Variants in PIGK observed in about 807,000 individuals in gnomAD.
PIGK encodes GPI-anchor transamidase.
In PIGK, 42 loss-of-function variants were observed where a neutral mutation model predicts 50.6. The observed-to-expected ratio is 0.83, with a 90% confidence interval of 0.65 to 1.07. PIGK has a LOEUF of 1.07. Ranked by LOEUF, PIGK falls within the 50% of genes least tolerant of loss-of-function variation. The probability of loss-of-function intolerance (pLI) is 0.00; values close to 1 mark genes in which losing one functional copy is unlikely to be tolerated. For synonymous variants in PIGK, 151 were observed against 156.0 expected (o/e 0.97, Z 0.24); for missense variants, 448 against 488.7 (o/e 0.92, Z 0.78).
At chr1:77,212,482 T>A (rs1656442027) in intron 1 of PIGK, among the ~76,000 whole-genome samples, 1 of 152,124 alleles carries the variant, frequency 6.6e-6, no homozygotes, top group Non-Finnish European at 1.5e-5. Flanking sequence ...AATTTAAACT[T>A]CCACTTGTAC....
In PIGK at chr1:77,186,359, G is replaced by A. The variant is rs138687502; in HGVS notation, c.240-16964C>T. 1.1e-3 allele frequency among the ~76,000 whole-genome samples: 168 copies of A among 152,382 alleles called. 4 individuals carry two copies. The East Asian group carries it at 0.03, about 28-fold the overall frequency. On this transcript the variant is annotated intron_variant, in intron 3 of 10. Coordinates refer to ENST00000370812, the MANE Select transcript of PIGK (RefSeq NM_005482.3). ...TAAAGGGAAATCTCCCCAGTGGGCA[G>A]AACTTCGAGCAGTGCACCTGGTTGT... is the stretch of plus-strand genomic sequence containing the variant.
In PIGK at chr1:77,161,697, A is replaced by T. The variant is rs990243397; in HGVS notation, c.599T>A (p.Leu200Gln). 5.4e-6 allele frequency: 8 copies of T among 1,478,924 alleles called. No individual in the cohort carries two copies. The highest frequency in any genetic ancestry group is 5.0e-5 in the Admixed American group (3 of 59,546). 91.6% of individuals were successfully genotyped at this position (1,478,924 alleles called of 1,614,324 possible). The change falls in exon 7 of 11, where the codon CTG (leucine) becomes CAG (glutamine). Residue 200 changes from leucine (L) to glutamine (Q), a missense_variant. By Grantham distance (113) the Leu-to-Gln change is moderately radical. Coordinates refer to ENST00000370812, the MANE Select transcript of PIGK (RefSeq NM_005482.3). ...TCCTTGGCAAGTATCAATAATAAAC[A>T]GTAGCTCATTGTAGCTGAAAGAAAA... is the stretch of plus-strand genomic sequence containing the variant. ...MWQKRRYNEL[L>Q]FIIDTCQGAS...
At chr1:77,205,793 T>C (rs745700585) in intron 3 of PIGK, among the ~76,000 whole-genome samples, 1 of 152,140 alleles carries the variant, frequency 6.6e-6, no homozygotes, top group Non-Finnish European at 1.5e-5. Flanking sequence ...AAATCTATCA[T>C]GGACAAAACA....
chr1:77,140,101 A>G (rs573204418), intron 9 of PIGK, among the ~76,000 whole-genome samples: 2 of 152,162 alleles, frequency 1.3e-5, no homozygotes, highest in African/African-American at 4.8e-5. Context: ...GTAATCCCCA[A>G]TGCTGGAGGT....
At chr1:77,191,439 C>A (rs1026952742) in intron 3 of PIGK, among the ~76,000 whole-genome samples, 5 of 152,164 alleles carry the variant, frequency 3.3e-5, no homozygotes, top group East Asian at 1.9e-4. Context: ...TATTTTGGAA[C>A]CTTGCTTAGC....
intron 10 of PIGK, among the ~76,000 whole-genome samples, chr1:77,097,851 T>C (rs1653454227): frequency 6.6e-6 from 1 of 150,854 alleles, no homozygotes; most frequent in Non-Finnish European, 1.5e-5. Flanking sequence ...AGTCAGAAAA[T>C]AGAAAAAAAT....
Position 77,194,780 on chromosome 1 carries a change from A to T in PIGK, c.239+11860T>A, listed in dbSNP as rs1324596249. 36 of 361,432 alleles carry T rather than the reference A, an allele frequency of 1.0e-4. 1 individual carries two copies. 22.4% of individuals were successfully genotyped at this position (361,432 alleles called of 1,614,324 possible). The stretch of plus-strand genomic sequence containing the variant: ...AACAAATCTGCATATGTACCTCCTG[A>T]ACCTAAAATAAACGTTGAAAAGAAA... On this transcript the variant is annotated intron_variant, in intron 3 of 10. Transcript: ENST00000370812.
In PIGK at chr1:77,142,310, T is replaced by G. The variant is rs141054942; in HGVS notation, c.986+12139A>C. On this transcript the variant is annotated intron_variant, in intron 9 of 10. Transcript: ENST00000370812. Reference sequence around the variant, plus strand: ...GCATTGTATTGCTCATTGTATCTCTTGCACTGGAGGAAGACATCAATATGA... The same window carrying G: ...GCATTGTATTGCTCATTGTATCTCTGGCACTGGAGGAAGACATCAATATGA... Among the ~76,000 whole-genome samples the G allele has an allele frequency of 2.2e-4, 34 of 152,284 alleles. No individual in the cohort carries two copies. In the East Asian group the frequency reaches 5.0e-3, roughly 22 times the overall value.
chr1:77,184,488 T>C (rs1655695080), intron 3 of PIGK, among the ~76,000 whole-genome samples: 1 of 152,114 alleles, frequency 6.6e-6, no homozygotes, highest in South Asian at 2.1e-4. Flanking sequence ...CCTCCAGCCC[T>C]TTACCAGAGT....
intron 3 of PIGK, among the ~76,000 whole-genome samples, chr1:77,196,158 C>T (rs1656030515): frequency 6.6e-6 from 1 of 152,172 alleles, no homozygotes; most frequent in South Asian, 2.1e-4. Context: ...AGGACATGAT[C>T]TTTGTTCTTT....
At chr1:77,124,284 T>C (rs1654175899) in intron 9 of PIGK, among the ~76,000 whole-genome samples, 1 of 152,058 alleles carries the variant, frequency 6.6e-6, no homozygotes, top group African/African-American at 2.4e-5. Context: ...TCACAGTGTA[T>C]CTTTTAAAAG....
intron 9 of PIGK, among the ~76,000 whole-genome samples, chr1:77,142,968 AT>A (rs1270633160): frequency 6.6e-6 from 1 of 152,216 alleles, no homozygotes; most frequent in Non-Finnish European, 1.5e-5. Context: ...CAATTTGGCC[AT>A]ACTTCACTTG....
intron 10 of PIGK, among the ~76,000 whole-genome samples, chr1:77,121,356 A>C (rs750815838): frequency 3.3e-5 from 5 of 152,214 alleles, no homozygotes; most frequent in Non-Finnish European, 7.3e-5. Context: ...CATTTTTTGT[A>C]ATTTCTCACA....
chr1:77,093,739 T>A (rs1297413473), intron 10 of PIGK, among the ~76,000 whole-genome samples: 1 of 152,096 alleles, frequency 6.6e-6, no homozygotes, highest in East Asian at 1.9e-4. Context: ...CCCAAAATAT[T>A]AAATCCAATT....
Position 77,174,941 on chromosome 1 carries a change from T to C in PIGK, c.240-5546A>G, listed in dbSNP as rs1480132639. 4.6e-5 allele frequency among the ~76,000 whole-genome samples: 7 copies of C among 152,292 alleles called. No homozygotes were observed. The South Asian group carries it at 6.2e-4, about 14-fold the overall frequency. On this transcript the variant is annotated intron_variant, in intron 3 of 10. Coordinates refer to ENST00000370812, the MANE Select transcript of PIGK (RefSeq NM_005482.3). ...ATCTTCTTCTGTCTATCTGTATAGT[T>C]ATGTATGCGTTCTGTGTGTGATGTT...
At chr1:77,182,686 G>T (rs1231121688) in intron 3 of PIGK, among the ~76,000 whole-genome samples, 1 of 152,140 alleles carries the variant, frequency 6.6e-6, no homozygotes, top group Non-Finnish European at 1.5e-5. Flanking sequence ...TTCTTTCATT[G>T]GTTTTGGGGT....
intron 9 of PIGK, among the ~76,000 whole-genome samples, chr1:77,133,652 T>C (rs1179016082): frequency 6.6e-6 from 1 of 152,190 alleles, no homozygotes; most frequent in Non-Finnish European, 1.5e-5. Flanking sequence ...AGTGATACTC[T>C]GATCACTTTT....
chr1:77,156,335 T>A (rs1276512835), intron 8 of PIGK, among the ~76,000 whole-genome samples: 2 of 152,154 alleles, frequency 1.3e-5, no homozygotes, highest in African/African-American at 2.4e-5. Flanking sequence ...ATAAACATAC[T>A]TCACCTTATT....
At chr1:77,154,332 T>C (rs1408242323) in intron 9 of PIGK, 117 bp downstream of exon 9, 2 of 666,916 alleles carry the variant, frequency 3.0e-6, no homozygotes, top group Non-Finnish European at 5.3e-6. Context: ...GAAGACTGGG[T>C]ATAAATGTGT....
Sources: allele counts gnomAD v4.1 joint callset (sites outside exome capture counted in the v4.1 genomes callset), GRCh38; gene constraint gnomAD v4.1.1; transcripts MANE v1.5; gene names NCBI Gene and HGNC (gene_info 2026-07-23, HGNC 2026-07-21).